The following RGS22 variants were observed in gnomAD, a reference collection of about 807,000 sequenced individuals.
The protein encoded by RGS22 is regulator of G-protein signaling 22.
RGS22 carries 148 observed loss-of-function variants against 172.9 expected under a neutral mutation model. The observed-to-expected ratio is 0.86, with a 90% CI of 0.75 to 0.98. RGS22 has a LOEUF of 0.98. Among genes scored for constraint, RGS22 ranks in the 50% least tolerant of loss-of-function variants. The pLI is 0.00. For missense variants in RGS22, 1,347 were observed against 1,440.8 expected (o/e 0.93, Z 1.05); for synonymous variants, 458 against 480.2 (o/e 0.95, Z 0.60).
chr8:100,020,183 C>T (rs771142349), intron 14 of RGS22, among the ~76,000 whole-genome samples: 3 of 152,126 alleles, frequency 2.0e-5, no homozygotes, highest in African/African-American at 4.8e-5. Context: ...CACGCCCGGC[C>T]GCAATTTTCT....
chr8:100,056,518 G>A (rs1822270878), intron 9 of RGS22, among the ~76,000 whole-genome samples: 1 of 152,138 alleles, frequency 6.6e-6, no homozygotes. Flanking sequence ...TTTGTGGGCT[G>A]GGGCCCAGGG....
chr8:100,095,334 C>A (rs1045924768), intron 2 of RGS22, among the ~76,000 whole-genome samples: 2 of 152,110 alleles, frequency 1.3e-5, no homozygotes, highest in African/African-American at 4.8e-5. Context: ...CAGGCACATG[C>A]CACCGTGCCC....
At chr8:100,031,293 G>A (rs1275945262) in intron 14 of RGS22, among the ~76,000 whole-genome samples, 2 of 151,726 alleles carry the variant, frequency 1.3e-5, no homozygotes, top group African/African-American at 4.8e-5. Flanking sequence ...TGCCTTCTAC[G>A]TCATATAGCC....
chr8:100,100,291 ATTT>A (rs764067983), intron 2 of RGS22, among the ~76,000 whole-genome samples: 1 of 136,984 alleles, frequency 7.3e-6, no homozygotes, highest in Non-Finnish European at 1.6e-5. Context: ...TTTTTTTCTG[ATTT>A]TTTTTTTTTT....
chr8:100,077,466 A>G (rs905734731), intron 4 of RGS22, among the ~76,000 whole-genome samples: 10 of 152,168 alleles, frequency 6.6e-5, no homozygotes, highest in Non-Finnish European at 4.4e-5. Flanking sequence ...ATAATTTTTA[A>G]TTTCCCTTGG....
At chr8:100,051,675 GTTTATACATATATATATTTA>G (rs1821430334) in intron 10 of RGS22, among the ~76,000 whole-genome samples, 1 of 17,676 alleles carries the variant, frequency 5.7e-5, no homozygotes, top group African/African-American at 2.8e-4. Flanking sequence ...ATTTATATAT[GTTTATACATATATATATTTA>G]TATATACGTA....
At chr8:100,042,093 A>C in intron 11 of RGS22, 177 bp from the exon 12 acceptor site, 1 of 481,100 alleles carries the variant, frequency 2.1e-6, no homozygotes, top group South Asian at 2.3e-5. Flanking sequence ...TCAGAAAATG[A>C]GTCATAGTTA....
chr8:99,997,830 A>C (rs1329174668), intron 19 of RGS22, among the ~76,000 whole-genome samples: 1 of 152,242 alleles, frequency 6.6e-6, no homozygotes, highest in Non-Finnish European at 1.5e-5. Flanking sequence ...ACAAAATAAA[A>C]AGTAAAAATC....
chr8:100,000,558 T>C (rs1223825522), intron 18 of RGS22, among the ~76,000 whole-genome samples: 5 of 152,196 alleles, frequency 3.3e-5, no homozygotes. Flanking sequence ...GAAAATCCTC[T>C]GTAGTAAGCA....
At chr8:99,984,016 G>A (rs1812815313) in intron 21 of RGS22, among the ~76,000 whole-genome samples, 1 of 152,206 alleles carries the variant, frequency 6.6e-6, no homozygotes, top group Non-Finnish European at 1.5e-5. Flanking sequence ...AGGTGTGGTG[G>A]CTTATGCCTG....
At chr8:100,016,415 C>G (rs1816960086) in intron 14 of RGS22, among the ~76,000 whole-genome samples, 1 of 151,894 alleles carries the variant, frequency 6.6e-6, no homozygotes, top group Admixed American at 6.6e-5. Context: ...GAATTATTGT[C>G]ACCCAAACAA....
intron 17 of RGS22, chr8:100,003,141 T>TA: frequency 4.1e-6 from 1 of 242,058 alleles, no homozygotes. Flanking sequence ...ATTGTACATT[T>TA]AAAAATAACT....
chr8:99,990,123 T>G (rs1441704121), intron 20 of RGS22, among the ~76,000 whole-genome samples: 1 of 152,136 alleles, frequency 6.6e-6, no homozygotes, highest in Non-Finnish European at 1.5e-5. Flanking sequence ...CTTCTAAGGT[T>G]GAGCAGGTCA....
intron 11 of RGS22, among the ~76,000 whole-genome samples, chr8:100,046,001 A>G (rs925492563): frequency 2.0e-5 from 3 of 152,064 alleles, no homozygotes; most frequent in Non-Finnish European, 4.4e-5. Context: ...ACATAGGAGG[A>G]GGCAAGATGA....
At chr8:99,962,799 G>A in intron 25 of RGS22, 32 bp from the exon 26 acceptor site, 6 of 1,589,234 alleles carry the variant, frequency 3.8e-6, no homozygotes, top group Non-Finnish European at 5.1e-6. Flanking sequence ...AAGAAAAACA[G>A]TAAAGTAAAT....
Position 100,063,398 on chromosome 8 carries a change from A to G in RGS22, c.1352+18T>C. On this transcript the variant is annotated intron_variant, in intron 8 of 27. Coordinates refer to ENST00000360863, the MANE Select transcript of RGS22 (RefSeq NM_015668.5). ...AATTTGTTTTTAAAACTATTGAAAA[A>G]TAAAAAAATAGAATTACCTTTGATG... 6.7e-7 allele frequency: 1 copy of G among 1,486,422 alleles called. No homozygotes were observed. Among genetic ancestry groups the G allele is most frequent in the Non-Finnish European group, 9.0e-7 (1 of 1,112,834 alleles). The allele number at this position is 1,486,422 out of a possible 1,614,324, so 92.1% of individuals were successfully genotyped here.
At chr8:100,008,043 A>G (rs1403199707) in intron 15 of RGS22, among the ~76,000 whole-genome samples, 1 of 144,486 alleles carries the variant, frequency 6.9e-6, no homozygotes, top group Non-Finnish European at 1.5e-5. Flanking sequence ...TTATTTTTTA[A>G]TTTTTTTTTT....
chr8:100,028,155 T>C (rs1818381436), intron 14 of RGS22, among the ~76,000 whole-genome samples: 1 of 152,172 alleles, frequency 6.6e-6, no homozygotes, highest in African/African-American at 2.4e-5. Flanking sequence ...CCACACTTCT[T>C]GGTTTATCCA....
intron 2 of RGS22, among the ~76,000 whole-genome samples, chr8:100,097,990 G>C (rs1813116554): frequency 6.6e-6 from 1 of 152,140 alleles, no homozygotes; most frequent in Admixed American, 6.5e-5. Flanking sequence ...ACACGCTGTG[G>C]TCATAGCAAT....
Sources: gnomAD v4.1 joint callset for allele counts (sites outside exome capture counted in the v4.1 genomes callset) on GRCh38, gnomAD v4.1.1 for gene constraint, MANE v1.5 for transcripts, NCBI Gene and HGNC (gene_info 2026-07-23, HGNC 2026-07-21) for gene names.